The following RYR3 variants were observed in gnomAD, a reference collection of about 807,000 sequenced individuals.
RYR3 encodes the protein ryanodine receptor 3.
In RYR3, 207 loss-of-function variants were observed where a neutral mutation model predicts 584.3. That is an observed-to-expected ratio of 0.35 (90% CI 0.32 to 0.40). The LOEUF (loss-of-function observed/expected upper bound fraction) is 0.40, where lower values mean the gene tolerates loss of function less well. RYR3 is among the 10% of genes least tolerant of loss of function. RYR3 has a pLI of 1.00. For missense variants in RYR3, 5,616 were observed against 6,089.2 expected (o/e 0.92, Z 2.59); for synonymous variants, 2,416 against 2,248.5 (o/e 1.07, Z -2.11).
intron 1 of RYR3, among the ~76,000 whole-genome samples, chr15:33,438,747 C>T (rs2045951551): frequency 6.6e-6 from 1 of 152,162 alleles, no homozygotes; most frequent in South Asian, 2.1e-4. Context: ...AGGTCTTCGT[C>T]AATGTCTTTA....
intron 1 of RYR3, among the ~76,000 whole-genome samples, chr15:33,327,612 T>A (rs980881404): frequency 6.6e-6 from 1 of 152,196 alleles, no homozygotes; most frequent in Non-Finnish European, 1.5e-5. Context: ...AGGTGCTTGA[T>A]CATATTGTGC....
intron 23 of RYR3, 81 bp downstream of exon 23, chr15:33,631,374 GA>G: frequency 1.1e-6 from 1 of 888,720 alleles, no homozygotes; most frequent in South Asian, 1.6e-5. Flanking sequence ...TACCAAGACA[GA>G]CAACAGCCCA....
intron 57 of RYR3, among the ~76,000 whole-genome samples, chr15:33,751,145 TTG>T (rs544733273): frequency 8.1e-4 from 124 of 152,328 alleles, no homozygotes; most frequent in African/African-American, 2.8e-3. Flanking sequence ...TAATGGGCAT[TTG>T]GGTTGGTTCC....
chr15:33,539,220 A>T, intron 5 of RYR3, 130 bp from the exon 6 acceptor site: 1 of 612,442 alleles, frequency 1.6e-6, no homozygotes, highest in Non-Finnish European at 3.0e-6. Context: ...GACCAACAGA[A>T]GTTGAGGTCT....
chr15:33,494,026 A>C (rs561182878), intron 2 of RYR3, among the ~76,000 whole-genome samples: 31 of 152,090 alleles, frequency 2.0e-4, no homozygotes, highest in Non-Finnish European at 3.5e-4. Context: ...ACTTTAATGG[A>C]TCTGTTGATC....
At chr15:33,482,205 T>C (rs547531493) in intron 2 of RYR3, among the ~76,000 whole-genome samples, 1 of 152,282 alleles carries the variant, frequency 6.6e-6, no homozygotes, top group Admixed American at 6.5e-5. Flanking sequence ...GATTTTTCTC[T>C]GGATAAAAAA....
intron 27 of RYR3, among the ~76,000 whole-genome samples, chr15:33,640,243 T>C (rs138252950): frequency 0.012 from 1,843 of 152,340 alleles, 14 homozygotes; most frequent in Middle Eastern, 0.027. Flanking sequence ...CAGGGTCCCC[T>C]GTCATTCTCT....
Position 33,548,234 on chromosome 15 carries a change from A to C in RYR3, c.815+30A>C, listed in dbSNP as rs779829190. The C allele has an allele frequency of 9.2e-6, 13 of 1,410,158 alleles. No homozygotes were observed. In the South Asian group the frequency reaches 1.6e-4, roughly 17 times the overall value. The allele number at this position is 1,410,158 out of a possible 1,614,324, so 87.4% of individuals were successfully genotyped here. ...TGGAAGGCCTGGGAATGCCCTTTTC[A>C]AGATTACTTTCTTTTTCAGTACAGG... On this transcript the variant is annotated intron_variant, in intron 9 of 103. Transcript: ENST00000634891.
intron 42 of RYR3, among the ~76,000 whole-genome samples, chr15:33,704,639 C>T (rs183817023): frequency 3.3e-5 from 5 of 152,246 alleles, no homozygotes; most frequent in East Asian, 1.9e-4. Flanking sequence ...TGACGATAAC[C>T]GATGCTTGTG....
chr15:33,794,290 ATT>A lies in RYR3; in HGVS notation c.9830+5837_9830+5838del, dbSNP rs1567185199. The stretch of plus-strand genomic sequence containing the variant: ...CCATAGATAGGTAAGGAAAGAAAAG[ATT>A]TTTTATATATATATTTTTATATATA... On this transcript the variant is annotated intron_variant, in intron 67 of 103. Transcript: ENST00000634891. Among the ~76,000 whole-genome samples, 267 of 36,050 alleles carry A rather than the reference ATT, an allele frequency of 7.4e-3. 8 individuals are homozygous for A. The highest frequency in any genetic ancestry group is 0.068 in the East Asian group (6 of 88). 23.7% of individuals were successfully genotyped at this position (36,050 alleles called of 152,430 possible).
chr15:33,343,200 T>C (rs1395262491), intron 1 of RYR3, among the ~76,000 whole-genome samples: 1 of 152,176 alleles, frequency 6.6e-6, no homozygotes, highest in Non-Finnish European at 1.5e-5. Context: ...AGTAAAAGAA[T>C]CTGTTTCTGC....
intron 1 of RYR3, among the ~76,000 whole-genome samples, chr15:33,345,407 G>A (rs1195321692): frequency 6.6e-6 from 1 of 152,124 alleles, no homozygotes; most frequent in Admixed American, 6.5e-5. Context: ...GAGTGCAGTG[G>A]TGCAATCACA....
intron 42 of RYR3, among the ~76,000 whole-genome samples, chr15:33,702,156 G>A (rs1037340576): frequency 5.9e-5 from 9 of 152,166 alleles, no homozygotes; most frequent in Non-Finnish European, 1.2e-4. Context: ...GTTAGTCAGT[G>A]GCACAGCCAG....
chr15:33,361,577 A>G (rs1974772372), intron 1 of RYR3, among the ~76,000 whole-genome samples: 1 of 152,222 alleles, frequency 6.6e-6, no homozygotes, highest in Non-Finnish European at 1.5e-5. Context: ...GATTGCAGGT[A>G]CCTGGGCCTC....
chr15:33,474,624 C>A (rs1366804284), intron 2 of RYR3, among the ~76,000 whole-genome samples: 2 of 152,190 alleles, frequency 1.3e-5, no homozygotes, highest in Non-Finnish European at 2.9e-5. Context: ...GGCACTATGG[C>A]CTAGCCAAGT....
At position 33,805,517 on chromosome 15, in the gene RYR3, G is replaced by A. The variant is rs141998623; in HGVS notation, c.10012-2038G>A. ...CTTTGAGACGGAGTCCTGCTCTGTC[G>A]CCCAGGCTGGAGTACAGTGGTGCGA... On this transcript the variant is annotated intron_variant, in intron 69 of 103. Coordinates refer to ENST00000634891, the MANE Select transcript of RYR3 (RefSeq NM_001036.6). 9.6e-3 allele frequency among the ~76,000 whole-genome samples: 1,341 copies of A among 140,246 alleles called. 16 individuals carry two copies. Among genetic ancestry groups the A allele is most frequent in the African/African-American group, 0.034 (1,257 of 37,462 alleles). 92.0% of individuals were successfully genotyped at this position (140,246 alleles called of 152,430 possible). A position where few individuals can be genotyped will look rare whatever the true frequency, so the allele number is the denominator to read the frequency against.
chr15:33,770,032 G>A (rs945051444), intron 62 of RYR3, among the ~76,000 whole-genome samples: 1 of 151,762 alleles, frequency 6.6e-6, no homozygotes, highest in African/African-American at 2.4e-5. Context: ...AAGGGTCCTT[G>A]TCAGAGCCGG....
In RYR3 at chr15:33,821,267, C is replaced by T. The variant is rs1008761362; in HGVS notation, c.10816-3C>T. The T allele has an allele frequency of 1.3e-6, 2 of 1,587,124 alleles. No homozygotes were observed. The highest frequency in any genetic ancestry group is 1.7e-6 in the Non-Finnish European group (2 of 1,166,964). The stretch of plus-strand genomic sequence containing the variant: ...CTTTCCCTGTGATTTTTTTTCCCCC[C>T]AGGAGAAAGAGATGGAGAAGCAAAA... On this transcript the variant is annotated splice_polypyrimidine_tract_variant and splice_region_variant and intron_variant, in intron 78 of 103. Transcript: ENST00000634891.
chr15:33,557,824 C>T (rs1263135144), intron 10 of RYR3, among the ~76,000 whole-genome samples: 1 of 152,188 alleles, frequency 6.6e-6, no homozygotes, highest in Non-Finnish European at 1.5e-5. Flanking sequence ...ACTAATATGA[C>T]AATTATGACG....
Sources: gnomAD v4.1 joint callset for allele counts (sites outside exome capture counted in the v4.1 genomes callset) on GRCh38, gnomAD v4.1.1 for gene constraint, MANE v1.5 for transcripts, NCBI Gene and HGNC (gene_info 2026-07-23, HGNC 2026-07-21) for gene names.